CACNA2D3: variants seen among roughly 807,000 people sequenced by gnomAD.
CACNA2D3 encodes the protein voltage-dependent calcium channel subunit alpha-2/delta-3.
In CACNA2D3, 60 loss-of-function variants were observed where a neutral mutation model predicts 160.6. The ratio of observed to expected loss-of-function variants is 0.37; its 90% CI spans 0.30 to 0.46. The LOEUF (loss-of-function observed/expected upper bound fraction) is 0.46, where lower values mean the gene tolerates loss of function less well. CACNA2D3 is among the 20% of genes least tolerant of loss of function. The pLI is 1.00. For missense variants in CACNA2D3, 1,205 were observed against 1,365.0 expected (o/e 0.88, Z 1.85); for synonymous variants, 558 against 492.9 (o/e 1.13, Z -1.75).
chr3:54,677,561 T>G (rs907499258), intron 11 of CACNA2D3, among the ~76,000 whole-genome samples: 2 of 151,202 alleles, frequency 1.3e-5, no homozygotes, highest in Non-Finnish European at 3.0e-5. Flanking sequence ...TAGATGAAAA[T>G]TTGATTAATG....
intron 31 of CACNA2D3, among the ~76,000 whole-genome samples, chr3:54,994,079 C>T (rs1702803839): frequency 6.6e-6 from 1 of 152,082 alleles, no homozygotes; most frequent in African/African-American, 2.4e-5. Context: ...TGTTCATTAA[C>T]ATGGCTGGCT....
intron 9 of CACNA2D3, among the ~76,000 whole-genome samples, chr3:54,609,355 G>A (rs941793440): frequency 1.3e-5 from 2 of 152,166 alleles, no homozygotes; most frequent in South Asian, 2.1e-4. Context: ...CACTCAGCCT[G>A]TGATGTTTTG....
At chr3:54,781,900 C>G (rs1456865628) in intron 13 of CACNA2D3, among the ~76,000 whole-genome samples, 1 of 152,162 alleles carries the variant, frequency 6.6e-6, no homozygotes, top group South Asian at 2.1e-4. Flanking sequence ...AACTGAGAGG[C>G]CTGAGTCAGC....
chr3:54,954,894 G>A (rs983874223), intron 27 of CACNA2D3, among the ~76,000 whole-genome samples: 1 of 152,152 alleles, frequency 6.6e-6, no homozygotes, highest in East Asian at 1.9e-4. Flanking sequence ...CATGAGAGGC[G>A]CCGATTAACC....
At chr3:54,713,953 T>C (rs561900433) in intron 11 of CACNA2D3, among the ~76,000 whole-genome samples, 80 of 152,344 alleles carry the variant, frequency 5.3e-4, no homozygotes, top group African/African-American at 1.8e-3. Context: ...AAGTTTCACA[T>C]ATGTGATGAT....
chr3:54,507,522 T>A (rs113942466), intron 5 of CACNA2D3, among the ~76,000 whole-genome samples: 4,288 of 152,280 alleles, frequency 0.028, 201 homozygotes, highest in African/African-American at 0.097. Context: ...CAGATGTTGG[T>A]TGGTGTGGAA....
chr3:54,638,993 A>ACC (rs1559535229), intron 10 of CACNA2D3: 1 of 152,114 alleles, frequency 6.6e-6, no homozygotes, highest in African/African-American at 2.4e-5. Flanking sequence ...AAGAGTAGAG[A>ACC]CACGGAGAAG....
At chr3:54,266,589 G>A (rs7626792) in intron 2 of CACNA2D3, among the ~76,000 whole-genome samples, 6,544 of 152,238 alleles carry the variant, frequency 0.043, 461 homozygotes, top group African/African-American at 0.15. Context: ...ACCAAAGTCT[G>A]TCATGTATTC....
Position 54,337,787 on chromosome 3 carries a change from A to G in CACNA2D3, c.321+17229A>G, listed in dbSNP as rs546355228. The stretch of plus-strand genomic sequence containing the variant: ...CCCTCCTTTCTTCCAATAGGTGGCT[A>G]TATAACATTGGCATTCCATGTATAT... On this transcript the variant is annotated intron_variant, in intron 3 of 37. Transcript: ENST00000474759. Among the ~76,000 whole-genome samples the G allele has an allele frequency of 9.2e-5, 14 of 152,342 alleles. No individual in the cohort carries two copies. In the South Asian group the frequency reaches 2.1e-3, roughly 23 times the overall value.
chr3:54,836,392 A>G lies in CACNA2D3; in HGVS notation c.1399-767A>G, dbSNP rs563561689. On this transcript the variant is annotated intron_variant, in intron 14 of 37. Coordinates refer to ENST00000474759, the MANE Select transcript of CACNA2D3 (RefSeq NM_018398.3). ...TGGGACTACAGGCACCTGCCACCACACCTGGCTAATTTTTTGTATTTTTAG... is the reference window on the plus strand; with the variant it reads ...TGGGACTACAGGCACCTGCCACCACGCCTGGCTAATTTTTTGTATTTTTAG... Among the ~76,000 whole-genome samples, 8 of 151,074 alleles carry G rather than the reference A, an allele frequency of 5.3e-5. No individual in the cohort carries two copies. In the South Asian group the frequency reaches 6.3e-4, roughly 12 times the overall value.
intron 3 of CACNA2D3, among the ~76,000 whole-genome samples, chr3:54,377,508 C>G (rs755008574): frequency 1.3e-5 from 2 of 152,192 alleles, no homozygotes; most frequent in Non-Finnish European, 2.9e-5. Context: ...TTCCTCTACC[C>G]TGTCTTAATA....
chr3:54,174,194 A>G (rs1396247674), intron 2 of CACNA2D3, among the ~76,000 whole-genome samples: 2 of 152,298 alleles, frequency 1.3e-5, no homozygotes, highest in East Asian at 3.9e-4. Context: ...CTATGGCCCC[A>G]TGGAGGAATT....
chr3:54,982,034 T>TA (rs1052282891), intron 29 of CACNA2D3, among the ~76,000 whole-genome samples: 1 of 152,182 alleles, frequency 6.6e-6, no homozygotes, highest in African/African-American at 2.4e-5. Context: ...CACTTGTCGG[T>TA]AGTGAAGGGA....
chr3:54,871,467 G>T, intron 17 of CACNA2D3, 72 bp from the exon 18 acceptor site: 1 of 1,157,342 alleles, frequency 8.6e-7, no homozygotes, highest in Non-Finnish European at 1.3e-6. Context: ...GACTTGGGAA[G>T]GTAAAGATTG....
chr3:54,371,980 C>T (rs890620714), intron 3 of CACNA2D3, among the ~76,000 whole-genome samples: 1 of 152,108 alleles, frequency 6.6e-6, no homozygotes, highest in Non-Finnish European at 1.5e-5. Context: ...GGGGTGCTGG[C>T]CCAGACCTCT....
chr3:54,183,679 G>A (rs1700824129), intron 2 of CACNA2D3, among the ~76,000 whole-genome samples: 1 of 151,884 alleles, frequency 6.6e-6, no homozygotes, highest in East Asian at 1.9e-4. Context: ...GAGGTCAGTA[G>A]TTCCAGACCA....
At chr3:54,834,262 T>C (rs1247028851) in intron 14 of CACNA2D3, among the ~76,000 whole-genome samples, 1 of 152,202 alleles carries the variant, frequency 6.6e-6, no homozygotes. Flanking sequence ...CCATGTTACA[T>C]GTTGGCACTG....
intron 5 of CACNA2D3, among the ~76,000 whole-genome samples, chr3:54,546,605 G>T (rs578115507): frequency 6.6e-6 from 1 of 152,256 alleles, no homozygotes; most frequent in South Asian, 2.1e-4. Flanking sequence ...TTAAAAGAAG[G>T]TGTTTAATGT....
At chr3:54,300,287 G>T (rs148722483) in intron 2 of CACNA2D3, among the ~76,000 whole-genome samples, 105 of 152,330 alleles carry the variant, frequency 6.9e-4, no homozygotes, top group Middle Eastern at 6.8e-3. Context: ...GGTTTCATAG[G>T]ATGTGATGCC....
Sources: gnomAD v4.1 joint callset for allele counts (sites outside exome capture counted in the v4.1 genomes callset) on GRCh38, gnomAD v4.1.1 for gene constraint, MANE v1.5 for transcripts, NCBI Gene and HGNC (gene_info 2026-07-23, HGNC 2026-07-21) for gene names.